The following RCC2 variants were observed in gnomAD, a reference collection of about 807,000 sequenced individuals.
RCC2 encodes protein RCC2.
RCC2 carries 19 observed loss-of-function variants against 64.1 expected under a neutral mutation model. That is an observed-to-expected ratio of 0.30 (90% CI 0.21 to 0.44). The LOEUF (loss-of-function observed/expected upper bound fraction) is 0.44, where lower values mean the gene tolerates loss of function less well. RCC2 is among the 20% of genes least tolerant of loss of function. The probability of loss-of-function intolerance (pLI) is 1.00; values close to 1 mark genes in which losing one functional copy is unlikely to be tolerated. For synonymous variants in RCC2, 325 were observed against 279.6 expected (o/e 1.16, Z -1.62); for missense variants, 508 against 710.4 (o/e 0.72, Z 3.24).
intron 2 of RCC2, among the ~76,000 whole-genome samples, chr1:17,433,092 G>A (rs1021061248): frequency 7.2e-5 from 11 of 152,060 alleles, no homozygotes; most frequent in Admixed American, 2.0e-4. Context: ...GAAAAACCCC[G>A]GTAAACTGAG....
chr1:17,428,039 C>T (rs375894653), intron 3 of RCC2, among the ~76,000 whole-genome samples: 5 of 152,274 alleles, frequency 3.3e-5, no homozygotes, highest in South Asian at 2.1e-4. Context: ...CATACATGCG[C>T]GGGAGGCAAC....
intron 11 of RCC2, 34 bp from the exon 12 acceptor site, chr1:17,410,085 A>T (rs1450000589): frequency 3.1e-6 from 5 of 1,588,958 alleles, no homozygotes; most frequent in African/African-American, 1.3e-5. Context: ...GCAATCGAGG[A>T]TCCATGTGGC....
At chr1:17,432,959 A>AAAAAAG (rs145508904) in intron 2 of RCC2, among the ~76,000 whole-genome samples, 16 of 152,012 alleles carry the variant, frequency 1.1e-4, no homozygotes, top group African/African-American at 2.4e-4. Context: ...CTCCATCTTA[A>AAAAAAG]AAAAAGAAAA....
At chr1:17,425,992 C>A (rs72906440) in intron 3 of RCC2, among the ~76,000 whole-genome samples, 1 of 152,204 alleles carries the variant, frequency 6.6e-6, no homozygotes, top group African/African-American at 2.4e-5. Flanking sequence ...CTCAGCCCCA[C>A]GTGTTCTGCC....
chr1:17,437,845 C>A (rs1297939037), intron 2 of RCC2, among the ~76,000 whole-genome samples: 1 of 145,988 alleles, frequency 6.8e-6, no homozygotes, highest in South Asian at 2.1e-4. Context: ...TGGCCGCCCC[C>A]TCTTCCAGGC....
chr1:17,411,200 T>C (rs994555045), intron 11 of RCC2, among the ~76,000 whole-genome samples: 9 of 146,958 alleles, frequency 6.1e-5, no homozygotes, highest in Non-Finnish European at 1.2e-4. Context: ...CCACCAAGAG[T>C]TAAGCGGAGA....
At chr1:17,435,863 A>G (rs998006182) in intron 2 of RCC2, among the ~76,000 whole-genome samples, 1 of 150,034 alleles carries the variant, frequency 6.7e-6, no homozygotes, top group African/African-American at 2.5e-5. Flanking sequence ...GATTGCAGTG[A>G]GCTGAGATCG....
At position 17,422,692 on chromosome 1, in the gene RCC2, G is replaced by A. The variant is rs1017834112; in HGVS notation, c.655+13C>T. The A allele has an allele frequency of 1.2e-6, 2 of 1,612,836 alleles. No individual in the cohort carries two copies. Among genetic ancestry groups the A allele is most frequent in the Non-Finnish European group, 1.7e-6 (2 of 1,178,974 alleles). ...GCCAAACTGAGAGGAGACACCAGCA[G>A]CCACCTCCTTACCCGTCAAGGCCAA... is the stretch of plus-strand genomic sequence containing the variant. On this transcript the variant is annotated intron_variant, in intron 5 of 12. Transcript: ENST00000375436.
At chr1:17,430,137 T>C (rs1044491607) in intron 2 of RCC2, among the ~76,000 whole-genome samples, 8 of 152,246 alleles carry the variant, frequency 5.3e-5, no homozygotes, top group Admixed American at 2.0e-4. Flanking sequence ...TTCACTGCTA[T>C]CACTTTCCGC....
chr1:17,429,026 G>T, intron 3 of RCC2, 80 bp downstream of exon 3: 5 of 1,086,648 alleles, frequency 4.6e-6, no homozygotes, highest in Non-Finnish European at 7.1e-6. Flanking sequence ...TAAATGAAGG[G>T]AATACCTACC....
rs116006174 is a variant in RCC2, at chr1:17,410,575, G to A, written c.1387-524C>T. On this transcript the variant is annotated intron_variant, in intron 11 of 12. Coordinates refer to ENST00000375436, the MANE Select transcript of RCC2 (RefSeq NM_018715.4). ...CTCCCAGAGGTAGAAGGAACTGGATGAATTGGCGCAGCTAAGGGGGAGTCT... is the reference window on the plus strand; with the variant it reads ...CTCCCAGAGGTAGAAGGAACTGGATAAATTGGCGCAGCTAAGGGGGAGTCT... Among the ~76,000 whole-genome samples, 460 of 152,372 alleles carry A rather than the reference G, an allele frequency of 3.0e-3. 3 individuals carry two copies. Among genetic ancestry groups the A allele is most frequent in the African/African-American group, 0.01 (428 of 41,594 alleles).
chr1:17,422,329 T>A (rs1175727738), intron 5 of RCC2, 38 bp from the exon 6 acceptor site: 1 of 1,521,468 alleles, frequency 6.6e-7, no homozygotes, highest in Non-Finnish European at 9.1e-7. Context: ...GGGAAGATAA[T>A]GGTGAATGTT....
chr1:17,417,484 A>G (rs1357977832), intron 7 of RCC2, among the ~76,000 whole-genome samples: 2 of 152,196 alleles, frequency 1.3e-5, no homozygotes, highest in Non-Finnish European at 2.9e-5. Flanking sequence ...CCTGGCCAAC[A>G]CAGTGAAGGC....
chr1:17,423,808 C>A (rs974408045), intron 4 of RCC2, among the ~76,000 whole-genome samples: 11 of 152,208 alleles, frequency 7.2e-5, no homozygotes. Flanking sequence ...CCTTCTCCAG[C>A]AATGAACTTT....
At position 17,416,463 on chromosome 1, in the gene RCC2, G is replaced by A. The variant is rs1474610009; in HGVS notation, c.1026+17C>T. On this transcript the variant is annotated intron_variant, in intron 8 of 12. Transcript: ENST00000375436. ...TCCTGGTGCGACTCTCAGGAAGTGA[G>A]AAAAGCCGAGCCTCACCGTGTGGTT... The A allele has an allele frequency of 2.3e-5, 37 of 1,598,066 alleles. No homozygotes were observed. The highest frequency in any genetic ancestry group is 2.9e-5 in the Non-Finnish European group (34 of 1,170,048).
chr1:17,438,197 TGC>T (rs1570217746), intron 2 of RCC2, 31 bp downstream of exon 2: 1 of 1,185,408 alleles, frequency 8.4e-7, no homozygotes, highest in East Asian at 4.7e-5. Flanking sequence ...GCCCCGGCCC[TGC>T]GCCCACCCGT....
intron 2 of RCC2, 132 bp from the exon 3 acceptor site, chr1:17,429,331 GAACA>G: frequency 2.9e-6 from 2 of 697,610 alleles, no homozygotes; most frequent in Non-Finnish European, 2.5e-6. Context: ...ACCTCCACAC[GAACA>G]GAGTCTCCCC....
At position 17,425,652 on chromosome 1, in the gene RCC2, C is replaced by A; in HGVS notation, c.412G>T (p.Gly138Trp). 1 of 1,613,278 alleles carries A rather than the reference C, an allele frequency of 6.2e-7. No homozygotes were observed. Among genetic ancestry groups the A allele is most frequent in the Non-Finnish European group, 8.5e-7 (1 of 1,179,344 alleles). Residue 138 changes from glycine (G) to tryptophan (W), a missense_variant, in exon 4 of 13, where the codon GGG (glycine) becomes TGG (tryptophan). By Grantham distance (184) the Gly-to-Trp change is radical. Transcript: ENST00000375436. ...AYRNLGQNLWGPHRYGCLAGV... is the reference protein window; with the variant it reads ...AYRNLGQNLWWPHRYGCLAGV... ...GCCAGGCACCCATATCTGTGGGGCC[C>A]CCACAAATTCTGACCGAGATTGCGG...
At chr1:17,434,877 C>T (rs142594840) in intron 2 of RCC2, among the ~76,000 whole-genome samples, 2 of 152,182 alleles carry the variant, frequency 1.3e-5, no homozygotes, top group Non-Finnish European at 2.9e-5. Context: ...CTTTGGGAGG[C>T]GGGCAAATCA....
Sources: gnomAD v4.1 joint callset for allele counts (sites outside exome capture counted in the v4.1 genomes callset) on GRCh38, gnomAD v4.1.1 for gene constraint, MANE v1.5 for transcripts, NCBI Gene and HGNC (gene_info 2026-07-23, HGNC 2026-07-21) for gene names.